LRFN5: variants seen among roughly 807,000 people sequenced by gnomAD.
LRFN5 encodes leucine rich repeat and fibronectin type III domain containing 5.
Under a neutral mutation model 45.6 loss-of-function variants are expected in LRFN5, and 24 were observed. The observed-to-expected ratio is 0.53, with a 90% CI of 0.38 to 0.74. LRFN5 has a LOEUF of 0.74. Ranked by LOEUF, LRFN5 falls within the 30% of genes least tolerant of loss-of-function variation. The pLI, the probability that LRFN5 is intolerant of heterozygous loss-of-function variation, is 0.00. For synonymous variants in LRFN5, 340 were observed against 313.8 expected (o/e 1.08, Z -0.88); for missense variants, 776 against 861.5 (o/e 0.90, Z 1.24).
At chr14:41,793,293 C>A (rs938784623) in intron 2 of LRFN5, among the ~76,000 whole-genome samples, 1 of 151,988 alleles carries the variant, frequency 6.6e-6, no homozygotes, top group African/African-American at 2.4e-5. Context: ...TGAATGCGCT[C>A]CTAAATCATA....
At chr14:41,734,991 T>G (rs1884362087) in intron 1 of LRFN5, among the ~76,000 whole-genome samples, 1 of 152,186 alleles carries the variant, frequency 6.6e-6, no homozygotes, top group South Asian at 2.1e-4. Flanking sequence ...TTGTGTTACT[T>G]AACATATTTT....
At chr14:41,690,554 C>CA (rs1248465665) in intron 1 of LRFN5, among the ~76,000 whole-genome samples, 1 of 151,724 alleles carries the variant, frequency 6.6e-6, no homozygotes, top group Non-Finnish European at 1.5e-5. Flanking sequence ...CACTCTGTCT[C>CA]AAAAAAAGTG....
intron 2 of LRFN5, among the ~76,000 whole-genome samples, chr14:41,829,362 C>CA (rs148070050): frequency 0.023 from 3,443 of 151,874 alleles, 121 homozygotes; most frequent in African/African-American, 0.073. Flanking sequence ...CTCAAATCCA[C>CA]AAAAAACTCA....
At chr14:41,832,942 A>G (rs1169265342) in intron 2 of LRFN5, among the ~76,000 whole-genome samples, 1 of 152,160 alleles carries the variant, frequency 6.6e-6, no homozygotes, top group African/African-American at 2.4e-5. Context: ...CTGCATCCAT[A>G]ATAAATATAT....
At chr14:41,718,060 T>G (rs1381720323) in intron 1 of LRFN5, among the ~76,000 whole-genome samples, 2 of 152,126 alleles carry the variant, frequency 1.3e-5, no homozygotes, top group African/African-American at 2.4e-5. Context: ...AGCATCTTGT[T>G]TTACATAGAT....
intron 1 of LRFN5, among the ~76,000 whole-genome samples, chr14:41,712,695 A>G (rs1312400184): frequency 6.6e-6 from 1 of 152,188 alleles, no homozygotes; most frequent in Non-Finnish European, 1.5e-5. Context: ...TGAAGTTTGC[A>G]TAAGACATCT....
intron 1 of LRFN5, among the ~76,000 whole-genome samples, chr14:41,709,014 G>T (rs1403028904): frequency 6.6e-6 from 1 of 151,848 alleles, no homozygotes; most frequent in African/African-American, 2.4e-5. Context: ...TATGAACGTG[G>T]TGATATTCTA....
chr14:41,835,028 G>T, intron 2 of LRFN5, among the ~76,000 whole-genome samples: 1 of 149,798 alleles, frequency 6.7e-6, no homozygotes, highest in South Asian at 2.1e-4. Context: ...AAAAAAACAT[G>T]AAATAGAAGA....
intron 1 of LRFN5, among the ~76,000 whole-genome samples, chr14:41,706,509 G>C (rs1472960678): frequency 1.3e-5 from 2 of 151,920 alleles, no homozygotes; most frequent in Non-Finnish European, 2.9e-5. Context: ...TTGAGTCAAA[G>C]ATTCTGTTTA....
At chr14:41,845,521 T>C (rs2139063977) in intron 2 of LRFN5, among the ~76,000 whole-genome samples, 1 of 152,248 alleles carries the variant, frequency 6.6e-6, no homozygotes, top group Non-Finnish European at 1.5e-5. Flanking sequence ...TCTTTCTTTG[T>C]TCTTGTTTTT....
chr14:41,748,596 G>A (rs374791599), intron 1 of LRFN5, among the ~76,000 whole-genome samples: 5 of 151,992 alleles, frequency 3.3e-5, no homozygotes, highest in South Asian at 2.1e-4. Context: ...TTGTGCAACA[G>A]TATAAATGTA....
At chr14:41,612,984 A>G (rs561555390) in intron 1 of LRFN5, among the ~76,000 whole-genome samples, 15 of 152,254 alleles carry the variant, frequency 9.9e-5, no homozygotes, top group African/African-American at 3.6e-4. Flanking sequence ...TTAATTTTAC[A>G]TAAACATTTT....
intron 2 of LRFN5, among the ~76,000 whole-genome samples, chr14:41,777,375 A>T (rs1886329980): frequency 6.6e-6 from 1 of 151,600 alleles, no homozygotes; most frequent in Non-Finnish European, 1.5e-5. Context: ...TATCCTATAC[A>T]TCTTGAGTTT....
intron 1 of LRFN5, among the ~76,000 whole-genome samples, chr14:41,609,144 G>C (rs1363776308): frequency 6.6e-6 from 1 of 152,278 alleles, no homozygotes; most frequent in East Asian, 1.9e-4. Context: ...TGTCACGGCT[G>C]TGTGTCTTGA....
chr14:41,823,998 A>G (rs1390150402), intron 2 of LRFN5, among the ~76,000 whole-genome samples: 1 of 152,050 alleles, frequency 6.6e-6, no homozygotes, highest in African/African-American at 2.4e-5. Flanking sequence ...TCCTTCAATG[A>G]ATGTTTTATT....
intron 1 of LRFN5, among the ~76,000 whole-genome samples, chr14:41,672,967 T>A (rs1371920159): frequency 6.9e-6 from 1 of 145,006 alleles, no homozygotes; most frequent in Non-Finnish European, 1.5e-5. Context: ...CCTATTTTTC[T>A]ACACCATGCT....
intron 1 of LRFN5, among the ~76,000 whole-genome samples, chr14:41,660,721 A>G (rs544516253): frequency 6.6e-6 from 1 of 151,858 alleles, no homozygotes; most frequent in African/African-American, 2.4e-5. Context: ...TCAGTTAAGT[A>G]TTGGATGTGA....
chr14:41,634,006 C>G (rs1357642993), intron 1 of LRFN5, among the ~76,000 whole-genome samples: 3 of 152,108 alleles, frequency 2.0e-5, no homozygotes, highest in African/African-American at 2.4e-5. Flanking sequence ...ATTATCAGTT[C>G]TAATGAATTA....
At chr14:41,784,610 T>A (rs1469129945) in intron 2 of LRFN5, among the ~76,000 whole-genome samples, 1 of 91,380 alleles carries the variant, frequency 1.1e-5, no homozygotes, top group Non-Finnish European at 2.1e-5. Flanking sequence ...TTTTGAAGCC[T>A]GTGTGTGTAT....
Sources: gnomAD v4.1 joint callset for allele counts (sites outside exome capture counted in the v4.1 genomes callset) on GRCh38, gnomAD v4.1.1 for gene constraint, MANE v1.5 for transcripts, NCBI Gene and HGNC (gene_info 2026-07-23, HGNC 2026-07-21) for gene names.